MARS1: variants seen among roughly 807,000 people sequenced by gnomAD.
MARS1 encodes methionyl-tRNA synthetase 1.
A neutral mutation model predicts 119.5 loss-of-function variants in MARS1; 80 were observed. The ratio of observed to expected loss-of-function variants is 0.67; its 90% confidence interval spans 0.56 to 0.81. The LOEUF is 0.81. Ranked by LOEUF, MARS1 falls within the 30% of genes least tolerant of loss-of-function variation. MARS1 has a pLI of 0.00. For synonymous variants in MARS1, 418 were observed against 433.4 expected (o/e 0.96, Z 0.44); for missense variants, 945 against 1,116.5 (o/e 0.85, Z 2.19).
At chr12:57,489,370 C>T (rs990214130) in intron 3 of MARS1, 25 bp downstream of exon 3, 4 of 1,614,064 alleles carry the variant, frequency 2.5e-6, no homozygotes, top group Admixed American at 3.3e-5. Context: ...TGGGGGATGT[C>T]AGGCAGGCCC....
At chr12:57,507,420 A>C (rs1314858052) in intron 11 of MARS1, among the ~76,000 whole-genome samples, 8 of 75,600 alleles carry the variant, frequency 1.1e-4, no homozygotes, top group Non-Finnish European at 2.2e-4. Flanking sequence ...ACTTCCCAGT[A>C]GGGGTGGCCG....
At chr12:57,493,899 TTATATAATA>T (rs1270271656) in intron 7 of MARS1, among the ~76,000 whole-genome samples, 1,727 of 60,760 alleles carry the variant, frequency 0.028, 84 homozygotes, top group Non-Finnish European at 0.039. Flanking sequence ...TATATTTATG[TTATATAATA>T]TATATAATAT....
At position 57,497,524 on chromosome 12, in the gene MARS1, C is replaced by A. The variant is rs116178189; in HGVS notation, c.771-633C>A. On this transcript the variant is annotated intron_variant, in intron 7 of 20. Transcript: ENST00000262027. ...TGATGAAACTTGAAAAGGAATACTG[C>A]ATTGAGTGCCTTCAGACAGCAGGTT... Among the ~76,000 whole-genome samples, 525 of 152,248 alleles carry A rather than the reference C, an allele frequency of 3.4e-3. 6 individuals are homozygous for A. The highest frequency in any genetic ancestry group is 0.027 in the East Asian group (139 of 5,176).
intron 19 of MARS1, 105 bp from the exon 20 acceptor site, chr12:57,516,138 GAA>G: frequency 7.3e-7 from 1 of 1,361,880 alleles, no homozygotes; most frequent in Non-Finnish European, 1.0e-6. Flanking sequence ...GTCTTAACTA[GAA>G]GAGACCTTCG....
At chr12:57,503,494 A>G (rs895619241) in intron 10 of MARS1, among the ~76,000 whole-genome samples, 1 of 151,644 alleles carries the variant, frequency 6.6e-6, no homozygotes, top group African/African-American at 2.4e-5. Context: ...CAGCCTCCCA[A>G]AGTGTTGGGA....
intron 7 of MARS1, among the ~76,000 whole-genome samples, chr12:57,495,873 G>A (rs1397586688): frequency 4.0e-5 from 6 of 151,402 alleles, no homozygotes; most frequent in East Asian, 2.0e-4. Flanking sequence ...GGCGGCGCGC[G>A]CCTGCAATCC....
chr12:57,504,848 C>T (rs551793591), intron 11 of MARS1, among the ~76,000 whole-genome samples: 16 of 151,780 alleles, frequency 1.1e-4, no homozygotes, highest in Non-Finnish European at 1.9e-4. Context: ...GGATTACAGG[C>T]GTCTGCCACC....
At chr12:57,511,961 A>G in intron 12 of MARS1, 47 bp from the exon 13 acceptor site, 1 of 1,606,398 alleles carries the variant, frequency 6.2e-7, no homozygotes, top group Middle Eastern at 1.7e-4. Context: ...TTTCAGTTTG[A>G]GACTTTGGAT....
At chr12:57,492,668 T>TAC (rs1765827225) in intron 7 of MARS1, among the ~76,000 whole-genome samples, 1 of 106,898 alleles carries the variant, frequency 9.4e-6, no homozygotes, top group South Asian at 3.2e-4. Flanking sequence ...GCGACTCCAT[T>TAC]TCACACACAC....
chr12:57,505,422 A>G (rs1416454646), intron 11 of MARS1, among the ~76,000 whole-genome samples: 1 of 152,022 alleles, frequency 6.6e-6, no homozygotes. Context: ...TCGGCCTCCC[A>G]GTGTGCAGGG....
chr12:57,488,576 C>T (rs893110067), intron 1 of MARS1: 1 of 1,550,754 alleles, frequency 6.4e-7, no homozygotes, highest in African/African-American at 1.4e-5. Flanking sequence ...TCCCTCTCTC[C>T]CCTCCTAACA....
chr12:57,492,933 GCAT>G (rs1359809853), intron 7 of MARS1, among the ~76,000 whole-genome samples: 7 of 151,980 alleles, frequency 4.6e-5, no homozygotes, highest in African/African-American at 1.7e-4. Context: ...GGTGGGGCTG[GCAT>G]CATACCATTG....
intron 11 of MARS1, among the ~76,000 whole-genome samples, chr12:57,510,963 A>C (rs1014314797): frequency 6.6e-6 from 1 of 151,794 alleles, no homozygotes; most frequent in Non-Finnish European, 1.5e-5. Context: ...AGTGCCAGCT[A>C]CTCAGGAGGC....
In MARS1 at chr12:57,515,307, A is replaced by C. The variant is rs1473327671; in HGVS notation, c.2362A>C (p.Thr788Pro). ...CSILLTNFLC[T>P]LPAGHQIGTV... ...TATCCTGCTGACAAACTTCCTGTGT[A>C]CCTTACCAGCAGGACACCAGATTGG... is the stretch of plus-strand genomic sequence containing the variant. The change falls in exon 18 of 21, where the codon ACC (threonine) becomes CCC (proline). Residue 788 changes from threonine (T) to proline (P), a missense_variant. Thr to Pro is a conservative substitution (Grantham distance 38). Coordinates refer to ENST00000262027, the MANE Select transcript of MARS1 (RefSeq NM_004990.4). The C allele has an allele frequency of 1.9e-6, 3 of 1,613,282 alleles. No individual in the cohort carries two copies. Among genetic ancestry groups the C allele is most frequent in the Non-Finnish European group, 2.5e-6 (3 of 1,180,036 alleles).
rs1395446250 is a variant in MARS1 at position 57,495,344 on chromosome 12, ACTC to A, written c.771-2809_771-2807del. On this transcript the variant is annotated intron_variant, in intron 7 of 20. Coordinates refer to ENST00000262027, the MANE Select transcript of MARS1 (RefSeq NM_004990.4). ...GATGGGGTGGCGGTCGGGCAGAGAC[ACTC>A]CTCAGATCCCAGACGGGGTCGCGGC... Among the ~76,000 whole-genome samples the A allele has an allele frequency of 2.1e-4, 27 of 127,664 alleles. 1 individual carries two copies. The highest frequency in any genetic ancestry group is 8.1e-4 in the African/African-American group (27 of 33,230). The allele number at this position is 127,664 out of a possible 152,430, so 83.8% of individuals were successfully genotyped here. A position where few individuals can be genotyped will look rare whatever the true frequency, so the allele number is the denominator to read the frequency against.
chr12:57,491,503 T>G (rs1875957626), intron 7 of MARS1, among the ~76,000 whole-genome samples: 1 of 152,196 alleles, frequency 6.6e-6, no homozygotes, highest in South Asian at 2.1e-4. Flanking sequence ...AACTGTTAAG[T>G]AGTCTTTGAA....
chr12:57,500,364 G>T lies in MARS1; in HGVS notation c.1135G>T (p.Val379Leu). The T allele has an allele frequency of 6.2e-7, 1 of 1,614,230 alleles. No individual in the cohort carries two copies. Among genetic ancestry groups the T allele is most frequent in the South Asian group, 1.1e-5 (1 of 91,082 alleles). ...IFQQLLKRGF[V>L]LQDTVEQLRC... ...CCAGCAGTTGCTGAAACGAGGTTTT[G>T]TGCTGCAAGATACTGTGGAGCAACT... Residue 379 changes from valine to leucine, a missense_variant, in exon 10 of 21, where the codon GTG (valine) becomes TTG (leucine). Coordinates refer to ENST00000262027, the MANE Select transcript of MARS1 (RefSeq NM_004990.4).
rs2305390 is a variant in MARS1 at position 57,512,499 on chromosome 12, G to A, written c.1753+146G>A. 3.9e-3 allele frequency: 2,717 copies of A among 694,844 alleles called. 104 individuals carry two copies. The East Asian group carries it at 0.058, about 15-fold the overall frequency. The allele number at this position is 694,844 out of a possible 1,614,324, so 43.0% of individuals were successfully genotyped here. ...AATTAAAATGAGAACTCAACCTAGA[G>A]AAACGAACAAGAACCTGAAGAAAGC... On this transcript the variant is annotated intron_variant, in intron 14 of 20. Transcript: ENST00000262027.
At position 57,490,318 on chromosome 12, in the gene MARS1, A is replaced by G. The variant is rs1185864588; in HGVS notation, c.602A>G (p.Tyr201Cys). 1 of 1,612,768 alleles carries G rather than the reference A, an allele frequency of 6.2e-7. No homozygotes were observed. Residue 201 changes from tyrosine to cysteine, a missense_variant, in exon 6 of 21, where the codon TAC (tyrosine) becomes TGC (cysteine). Physicochemically the swap from Tyr to Cys is radical, Grantham distance 194. Coordinates refer to ENST00000262027, the MANE Select transcript of MARS1 (RefSeq NM_004990.4). ...KQQGVLALRP[Y>C]LQKQPQPSPA... ...CAAGGTGTCCTGGCTCTCCGGCCTT[A>G]CCTCCAAAAGCAGCCCCAGCCCAGC...
Sources: allele counts gnomAD v4.1 joint callset (sites outside exome capture counted in the v4.1 genomes callset), GRCh38; gene constraint gnomAD v4.1.1; transcripts MANE v1.5; gene names NCBI Gene and HGNC (gene_info 2026-07-23, HGNC 2026-07-21).